Variants in RPL3L observed in about 807,000 individuals in gnomAD.
The protein encoded by RPL3L is ribosomal protein uL3-like.
A neutral mutation model predicts 44.5 loss-of-function variants in RPL3L; 44 were observed. The observed-to-expected ratio is 0.99, with a 90% CI of 0.78 to 1.27. The LOEUF (loss-of-function observed/expected upper bound fraction) is 1.27, where lower values mean the gene tolerates loss of function less well. RPL3L is among the 50% of genes most tolerant of loss of function. RPL3L has a pLI of 0.00. For synonymous variants in RPL3L, 292 were observed against 230.7 expected, an observed-to-expected ratio of 1.27 and a Z score of -2.41; for missense variants, 631 against 569.1, an observed-to-expected ratio of 1.11 and a Z score of -1.11.
intron 9 of RPL3L, 59 bp from the exon 10 acceptor site, chr16:1,944,952 C>T (rs1033448850): frequency 1.3e-5 from 21 of 1,608,672 alleles, no homozygotes; most frequent in Non-Finnish European, 1.8e-5. Context: ...ACACGCCCTC[C>T]CCCAGCCAGG....
Position 1,944,780 on chromosome 16 carries a change from G to A in RPL3L, c.*57C>T. The A allele has an allele frequency of 6.2e-7, 1 of 1,610,530 alleles. No homozygotes were observed. Among genetic ancestry groups the A allele is most frequent in the Non-Finnish European group, 8.5e-7 (1 of 1,177,016 alleles). ...GCAGGAAGAGTCGCCTCCGGCCTTTGTTAGACATTGGGGCAGACAGTGCGG... is the reference window on the plus strand; with the variant it reads ...GCAGGAAGAGTCGCCTCCGGCCTTTATTAGACATTGGGGCAGACAGTGCGG... On this transcript the variant is annotated 3_prime_UTR_variant, in exon 10 of 10. Coordinates refer to ENST00000268661, the MANE Select transcript of RPL3L (RefSeq NM_005061.3).
intron 9 of RPL3L, 21 bp downstream of exon 9, chr16:1,945,478 G>A: frequency 6.3e-7 from 1 of 1,598,800 alleles, no homozygotes; most frequent in Non-Finnish European, 8.5e-7. Context: ...AGAAGAACAA[G>A]GATGGGGGCG....
chr16:1,948,532 A>G (rs1312225839), intron 4 of RPL3L, among the ~76,000 whole-genome samples: 1 of 150,510 alleles, frequency 6.6e-6, no homozygotes, highest in East Asian at 2.0e-4. Flanking sequence ...CCTGATTTTT[A>G]TTTTTTTATA....
In RPL3L at chr16:1,945,926, C is replaced by T; in HGVS notation, c.956G>A (p.Gly319Asp). The change falls in exon 8 of 10, where the codon GGC (glycine) becomes GAC (aspartate). Residue 319 changes from glycine (G) to aspartate (D), a missense_variant. By Grantham distance (94) the Gly-to-Asp change is moderately conservative. Coordinates refer to ENST00000268661, the MANE Select transcript of RPL3L (RefSeq NM_005061.3). ...VTAKSITPLGGFPHYGEVNND... is the reference protein window; with the variant it reads ...VTAKSITPLGDFPHYGEVNND... The stretch of plus-strand genomic sequence containing the variant: ...GTTCACTTCCCCGTAGTGGGGGAAG[C>T]CACCCTGCAGAGGACACAGGTCAGA... 6.2e-7 allele frequency: 1 copy of T among 1,609,470 alleles called. No individual in the cohort carries two copies. The highest frequency in any genetic ancestry group is 1.1e-5 in the South Asian group (1 of 90,378).
At position 1,954,277 on chromosome 16, in the gene RPL3L, T is replaced by G. The variant is rs1209449677; in HGVS notation, c.4-129A>C. The G allele has an allele frequency of 3.8e-6, 4 of 1,046,024 alleles. No individual in the cohort carries two copies. The East Asian group carries it at 1.2e-4, about 31-fold the overall frequency. 64.8% of individuals were successfully genotyped at this position (1,046,024 alleles called of 1,614,324 possible). A position where few individuals can be genotyped will look rare whatever the true frequency, so the allele number is the denominator to read the frequency against. On this transcript the variant is annotated intron_variant, in intron 1 of 9. Coordinates refer to ENST00000268661, the MANE Select transcript of RPL3L (RefSeq NM_005061.3). ...TGAGGCCTGTGCTCAGCACCTCCCCTGTCTGCCTACAGGAGGGGAGAGGAA... is the reference window on the plus strand; with the variant it reads ...TGAGGCCTGTGCTCAGCACCTCCCCGGTCTGCCTACAGGAGGGGAGAGGAA...
intron 9 of RPL3L, 79 bp downstream of exon 9, chr16:1,945,420 G>A (rs1597024299): frequency 2.0e-6 from 3 of 1,510,898 alleles, no homozygotes; most frequent in Non-Finnish European, 2.7e-6. Flanking sequence ...GTCCCTGCCA[G>A]CTCCAGCTCC....
intron 8 of RPL3L, 22 bp downstream of exon 8, chr16:1,945,813 C>T: frequency 1.9e-6 from 3 of 1,613,486 alleles, no homozygotes; most frequent in South Asian, 1.1e-5. Flanking sequence ...ACCCACTCCC[C>T]AGCCCACCCA....
Position 1,954,669 on chromosome 16 carries a change from G to T in RPL3L, c.-38C>A, listed in dbSNP as rs368676621. 1.1e-5 allele frequency: 16 copies of T among 1,513,746 alleles called. No individual in the cohort carries two copies. The highest frequency in any genetic ancestry group is 1.8e-6 in the Non-Finnish European group (2 of 1,129,732). The allele number at this position is 1,513,746 out of a possible 1,614,324, so 93.8% of individuals were successfully genotyped here. ...CTGAAGGTCAGGAAGGGGCCTCGCC[G>T]CTAGCCGCCAGAGGTCGAGTGGCAG... On this transcript the variant is annotated 5_prime_UTR_variant, in exon 1 of 10. Transcript: ENST00000268661.
intron 4 of RPL3L, 138 bp from the exon 5 acceptor site, chr16:1,947,518 C>T (rs2083133214): frequency 2.7e-6 from 3 of 1,092,488 alleles, no homozygotes; most frequent in East Asian, 5.3e-5. Context: ...AGGTTGCAAC[C>T]CATGTGTTGT....
At position 1,944,263 on chromosome 16, in the gene RPL3L, C is replaced by T. The variant is rs2083103252; in HGVS notation, c.*574G>A. On this transcript the variant is annotated 3_prime_UTR_variant, in exon 10 of 10. Transcript: ENST00000268661. ...GCATCTGGAGGCTACAAGATTCTGA[C>T]CCTCCCTAAGCTGCCCCTAAGATCA... 1 of 152,866 alleles carries T rather than the reference C, an allele frequency of 6.5e-6. No homozygotes were observed. The highest frequency in any genetic ancestry group is 1.5e-5 in the Non-Finnish European group (1 of 68,536). 9.5% of individuals were successfully genotyped at this position (152,866 alleles called of 1,614,324 possible).
Position 1,949,347 on chromosome 16 carries a change from A to C in RPL3L, c.501+1497T>G, listed in dbSNP as rs575534683. 9.3e-4 allele frequency among the ~76,000 whole-genome samples: 113 copies of C among 120,882 alleles called. 1 individual carries two copies. Among genetic ancestry groups the C allele is most frequent in the African/African-American group, 3.5e-3 (108 of 30,950 alleles). 79.3% of individuals were successfully genotyped at this position (120,882 alleles called of 152,430 possible). On this transcript the variant is annotated intron_variant, in intron 4 of 9. Transcript: ENST00000268661. ...TGGCTCACTGCAACCTCCACCTCCC[A>C]GTTTCAAGTGATTCTCCTGCCTCAG... is the stretch of plus-strand genomic sequence containing the variant.
chr16:1,944,587 G>A lies in RPL3L; in HGVS notation c.*250C>T. 1.1e-5 allele frequency: 4 copies of A among 355,506 alleles called. No homozygotes were observed. The highest frequency in any genetic ancestry group is 4.2e-5 in the Admixed American group (1 of 23,860). 22.0% of individuals were successfully genotyped at this position (355,506 alleles called of 1,614,324 possible). A position where few individuals can be genotyped will look rare whatever the true frequency, so the allele number is the denominator to read the frequency against. On this transcript the variant is annotated 3_prime_UTR_variant, in exon 10 of 10. Coordinates refer to ENST00000268661, the MANE Select transcript of RPL3L (RefSeq NM_005061.3). The stretch of plus-strand genomic sequence containing the variant: ...AACCTCTGCTCCGCAAATGCTCAAA[G>A]AGATCGATTTGAGTAATAATAAAAC...
chr16:1,945,125 G>C (rs1260977298), intron 9 of RPL3L, among the ~76,000 whole-genome samples: 1 of 152,064 alleles, frequency 6.6e-6, no homozygotes, highest in Non-Finnish European at 1.5e-5. Context: ...GGAGGCCGAG[G>C]CGGTCGGATC....
In RPL3L at chr16:1,952,918, T is replaced by C. The variant is rs767064956; in HGVS notation, c.321A>G (p.Ala107=). Residue 107 remains alanine (A), a synonymous_variant, in exon 3 of 10, where the codon GCA becomes GCG. Coordinates refer to ENST00000268661, the MANE Select transcript of RPL3L (RefSeq NM_005061.3). ...RGLRSFKTIF[A]EHLSDECRRR... ...GCCGGCACTCATCACTGAGGTGTTC[T>C]GCAAAGATGGTCTTGAAGCTCCGGA... 6.2e-7 allele frequency: 1 copy of C among 1,614,036 alleles called. No homozygotes were observed. Among genetic ancestry groups the C allele is most frequent in the South Asian group, 1.1e-5 (1 of 91,082 alleles).
intron 4 of RPL3L, among the ~76,000 whole-genome samples, chr16:1,950,115 AGGTATGTAGGGGGCAGGTATGGACAG>A (rs2083161299): frequency 1.1e-4 from 6 of 55,696 alleles, no homozygotes; most frequent in African/African-American, 4.5e-4. Context: ...TGGACGGGGC[AGGTATGTAGGGGGCAGGTATGGACAG>A]GGCAGGTATG....
intron 4 of RPL3L, among the ~76,000 whole-genome samples, chr16:1,949,990 A>G (rs112299600): frequency 0.1 from 2,402 of 22,912 alleles, 85 homozygotes; most frequent in African/African-American, 0.23. Flanking sequence ...AGGTATGGAC[A>G]GGGCAGGTAT....
In RPL3L at chr16:1,954,493, G is replaced by A. The variant is rs1158375543; in HGVS notation, c.3+136C>T. 5 of 1,038,300 alleles carry A rather than the reference G, an allele frequency of 4.8e-6. No homozygotes were observed. In the East Asian group the frequency reaches 9.3e-5, roughly 19 times the overall value. 64.3% of individuals were successfully genotyped at this position (1,038,300 alleles called of 1,614,324 possible). A position where few individuals can be genotyped will look rare whatever the true frequency, so the allele number is the denominator to read the frequency against. ...CCAGGAGCCCAGCCCTCGTCCCCTT[G>A]TTTCCCCCTCCAGCCTCCCATCCCC... On this transcript the variant is annotated intron_variant, in intron 1 of 9. Transcript: ENST00000268661.
chr16:1,946,643 G>A lies in RPL3L; in HGVS notation c.933C>T (p.Ala311=), dbSNP rs2150861450. Reference sequence around the variant, plus strand: ...GCCTCACCAGCGGTGTGATGGACTTGGCAGTCACGTCGTAGCTGGTGGATG... The same window carrying A: ...GCCTCACCAGCGGTGTGATGGACTTAGCAGTCACGTCGTAGCTGGTGGATG... ...NNASTSYDVT[A]KSITPLGGFP... is the part of the protein sequence containing the mutation. The change falls in exon 7 of 10, where the codon GCC becomes GCT. Residue 311 remains alanine, a synonymous_variant. Transcript: ENST00000268661. 2 of 1,612,680 alleles carry A rather than the reference G, an allele frequency of 1.2e-6. No homozygotes were observed. Among genetic ancestry groups the A allele is most frequent in the Non-Finnish European group, 8.5e-7 (1 of 1,179,790 alleles).
At chr16:1,947,957 T>G (rs2083137140) in intron 4 of RPL3L, among the ~76,000 whole-genome samples, 1 of 148,274 alleles carries the variant, frequency 6.7e-6, no homozygotes, top group Non-Finnish European at 1.5e-5. Flanking sequence ...TTTTTTTTTT[T>G]TTTTGAGTCT....
Sources: gnomAD v4.1 joint callset for allele counts (sites outside exome capture counted in the v4.1 genomes callset) on GRCh38, gnomAD v4.1.1 for gene constraint, MANE v1.5 for transcripts, NCBI Gene and HGNC (gene_info 2026-07-23, HGNC 2026-07-21) for gene names.